The following RB1 variants were observed in gnomAD, a reference collection of about 807,000 sequenced individuals.
RB1 encodes retinoblastoma-associated protein.
A neutral mutation model predicts 135.4 loss-of-function variants in RB1; 18 were observed. The observed-to-expected ratio is 0.13, with a 90% confidence interval of 0.09 to 0.20. The LOEUF is 0.20. Among genes scored for constraint, RB1 ranks in the 10% least tolerant of loss-of-function variants. The pLI, the probability that RB1 is intolerant of heterozygous loss-of-function variation, is 1.00. For missense variants in RB1, 868 were observed against 1,110.0 expected (o/e 0.78, Z 3.10); for synonymous variants, 365 against 373.2 (o/e 0.98, Z 0.25).
intron 16 of RB1, 43 bp downstream of exon 16, chr13:48,380,284 A>G: frequency 7.1e-7 from 1 of 1,409,884 alleles, no homozygotes; most frequent in Non-Finnish European, 1.0e-6. Flanking sequence ...TTCAATTTAA[A>G]GTTAAAATGT....
intron 17 of RB1, 43 bp from the exon 18 acceptor site, chr13:48,452,950 T>C (rs766760719): frequency 6.2e-7 from 1 of 1,607,772 alleles, no homozygotes; most frequent in Non-Finnish European, 8.5e-7. Flanking sequence ...CTGGGAAAAT[T>C]ATGCTTACTA....
In RB1 at chr13:48,416,260, A is replaced by AGG. The variant is rs149544736; in HGVS notation, c.1695+34821_1695+34822dup. On this transcript the variant is annotated intron_variant, in intron 17 of 26. Coordinates refer to ENST00000267163, the MANE Select transcript of RB1 (RefSeq NM_000321.3). The stretch of plus-strand genomic sequence containing the variant: ...CTCATCTCATTGAGACTGGTCAGAC[A>AGG]GGGGGTGCAGCCCATGGAAGGCGAG... 6.0e-4 allele frequency: 92 copies of AGG among 152,290 alleles called. 1 individual carries two copies. The highest frequency in any genetic ancestry group is 2.2e-3 in the African/African-American group (92 of 41,512). 9.4% of individuals were successfully genotyped at this position (152,290 alleles called of 1,614,324 possible). A position where few individuals can be genotyped will look rare whatever the true frequency, so the allele number is the denominator to read the frequency against.
chr13:48,366,439 C>A (rs1952699183), intron 9 of RB1, among the ~76,000 whole-genome samples: 1 of 152,124 alleles, frequency 6.6e-6, no homozygotes, highest in South Asian at 2.1e-4. Flanking sequence ...GAAAAGTTTG[C>A]ATTTAATTGG....
intron 20 of RB1, among the ~76,000 whole-genome samples, chr13:48,461,133 G>T (rs1262630729): frequency 6.6e-6 from 1 of 151,972 alleles, no homozygotes; most frequent in African/African-American, 2.4e-5. Context: ...TATCACACCA[G>T]AAAGAAACTC....
intron 12 of RB1, 143 bp from the exon 13 acceptor site, chr13:48,376,775 C>T: frequency 8.3e-7 from 1 of 1,201,052 alleles, no homozygotes; most frequent in Non-Finnish European, 1.2e-6. Flanking sequence ...TGCTTATGTT[C>T]AGTAGTTGTG....
chr13:48,371,641 T>A (rs1952759409), intron 11 of RB1, among the ~76,000 whole-genome samples: 1 of 152,126 alleles, frequency 6.6e-6, no homozygotes, highest in East Asian at 1.9e-4. Flanking sequence ...TTCTATAGAT[T>A]TGGGAATCAT....
chr13:48,317,354 A>G (rs901699085), intron 2 of RB1: 5 of 378,752 alleles, frequency 1.3e-5, no homozygotes, highest in Non-Finnish European at 1.9e-5. Context: ...CCCCGCCTCC[A>G]CTCCGCATCT....
chr13:48,341,761 T>C (rs1952444572), intron 2 of RB1, among the ~76,000 whole-genome samples: 1 of 152,044 alleles, frequency 6.6e-6, no homozygotes, highest in African/African-American at 2.4e-5. Context: ...TTTTATATAA[T>C]TGATATTTCA....
At position 48,308,304 on chromosome 13, in the gene RB1, C is replaced by A. The variant is rs7323571; in HGVS notation, c.264+898C>A. ...GGTGGAGGTTACAGTAAGCCAAGAT[C>A]GCACCACTGCACTCCAGCCTGGGCA... On this transcript the variant is annotated intron_variant, in intron 2 of 26. Transcript: ENST00000267163. Among the ~76,000 whole-genome samples the A allele has an allele frequency of 3.7e-3, 558 of 151,198 alleles. 6 individuals are homozygous for A. The highest frequency in any genetic ancestry group is 0.013 in the African/African-American group (531 of 41,282).
intron 17 of RB1, among the ~76,000 whole-genome samples, chr13:48,434,419 A>C (rs1474303036): frequency 6.6e-6 from 1 of 152,200 alleles, no homozygotes; most frequent in East Asian, 1.9e-4. Context: ...TGGAAATAGC[A>C]TTAGTCATTT....
At chr13:48,443,310 T>C (rs1949256023) in intron 17 of RB1, among the ~76,000 whole-genome samples, 2 of 151,584 alleles carry the variant, frequency 1.3e-5, no homozygotes, top group Admixed American at 6.6e-5. Flanking sequence ...AAAGAAAGAG[T>C]CATAAATATC....
intron 20 of RB1, among the ~76,000 whole-genome samples, chr13:48,462,390 G>A (rs1376320923): frequency 5.9e-5 from 9 of 152,004 alleles, no homozygotes; most frequent in Admixed American, 5.9e-4. Flanking sequence ...CTCCCAAAGT[G>A]CTAGGATTAC....
chr13:48,411,195 G>A (rs1337412687), intron 17 of RB1: 1 of 501,712 alleles, frequency 2.0e-6, no homozygotes, highest in Non-Finnish European at 3.6e-6. Flanking sequence ...AGAAAAATCA[G>A]ATGGAGTGGA....
chr13:48,326,126 C>A (rs183969380), intron 2 of RB1, among the ~76,000 whole-genome samples: 2 of 152,112 alleles, frequency 1.3e-5, no homozygotes, highest in African/African-American at 4.8e-5. Flanking sequence ...CTCCAAGAAA[C>A]AGGAATGTTT....
intron 17 of RB1, chr13:48,412,205 C>T: frequency 6.2e-7 from 1 of 1,613,864 alleles, no homozygotes; most frequent in African/African-American, 1.3e-5. Flanking sequence ...AGTAAAAAAT[C>T]CTGAAGGGTA....
rs1030076997 is a variant in RB1, at chr13:48,312,185, C to T, written c.264+4779C>T. On this transcript the variant is annotated intron_variant, in intron 2 of 26. Transcript: ENST00000267163. The stretch of plus-strand genomic sequence containing the variant: ...TGTGATCACTCTTTACAATGTGTAT[C>T]GTTTACCTTCATTTTGATTTTAACC... 3.9e-5 allele frequency among the ~76,000 whole-genome samples: 6 copies of T among 152,086 alleles called. No homozygotes were observed. In the South Asian group the frequency reaches 8.3e-4, roughly 21 times the overall value.
chr13:48,342,800 T>G, intron 3 of RB1, 86 bp downstream of exon 3: 1 of 900,218 alleles, frequency 1.1e-6, no homozygotes, highest in Non-Finnish European at 1.8e-6. Flanking sequence ...TGTGAATTAG[T>G]GAGAAATGCT....
At chr13:48,316,553 T>C (rs1166708820) in intron 2 of RB1, among the ~76,000 whole-genome samples, 2 of 152,170 alleles carry the variant, frequency 1.3e-5, no homozygotes, top group African/African-American at 2.4e-5. Context: ...AACAGTATTT[T>C]CTAAAAATAT....
At chr13:48,416,133 A>C (rs1372682902) in intron 17 of RB1, among the ~76,000 whole-genome samples, 1 of 152,184 alleles carries the variant, frequency 6.6e-6, no homozygotes, top group Non-Finnish European at 1.5e-5. Flanking sequence ...AGAGCCAGAT[A>C]GATGTTAAAA....
Sources: allele counts gnomAD v4.1 joint callset (sites outside exome capture counted in the v4.1 genomes callset), GRCh38; gene constraint gnomAD v4.1.1; transcripts MANE v1.5; gene names NCBI Gene and HGNC (gene_info 2026-07-23, HGNC 2026-07-21).